Variants in ACYP2 observed in about 807,000 individuals in gnomAD.
The protein encoded by ACYP2 is acylphosphatase 2.
A neutral mutation model predicts 11.2 loss-of-function variants in ACYP2; 12 were observed. That is an observed-to-expected ratio of 1.08 (90% CI 0.69 to 1.74). The LOEUF is 1.74. Among genes scored for constraint, ACYP2 ranks in the 40% most tolerant of loss-of-function variants. The pLI, the probability that ACYP2 is intolerant of heterozygous loss-of-function variation, is 0.00. For missense variants in ACYP2, 134 were observed against 101.9 expected (o/e 1.31, Z -1.35); for synonymous variants, 43 against 32.2 (o/e 1.33, Z -1.13).
At chr2:54,034,483 G>A (rs1022848192) in intron 2 of ACYP2, among the ~76,000 whole-genome samples, 3 of 152,170 alleles carry the variant, frequency 2.0e-5, no homozygotes, top group Admixed American at 2.0e-4. Flanking sequence ...ACAGTAACAT[G>A]CTGTACAGGT....
Position 54,051,051 on chromosome 2 carries a change from G to A in ACYP2, c.155+1G>A, listed in dbSNP as rs761382132. 4.0e-6 allele frequency: 2 copies of A among 500,134 alleles called. No individual in the cohort carries two copies. Among genetic ancestry groups the A allele is most frequent in the African/African-American group, 4.0e-5 (2 of 50,570 alleles). 31.0% of individuals were successfully genotyped at this position (500,134 alleles called of 1,614,324 possible). On this transcript the variant is annotated splice_donor_variant, in intron 3 of 6. Transcript: ENST00000607452. LOFTEE classifies it high-confidence loss of function. ...GCCTCCCATGCTGTTGGGATTACAGGTGAGAACCACCGTCCTTGGTCACAA... is the reference window on the plus strand; with the variant it reads ...GCCTCCCATGCTGTTGGGATTACAGATGAGAACCACCGTCCTTGGTCACAA...
chr2:54,127,767 A>C (rs888804436), intron 4 of ACYP2, among the ~76,000 whole-genome samples: 2 of 150,224 alleles, frequency 1.3e-5, no homozygotes, highest in Non-Finnish European at 2.9e-5. Context: ...AAAAAAAAAA[A>C]AAAAGCTTCT....
intron 6 of ACYP2, among the ~76,000 whole-genome samples, chr2:54,147,652 G>A (rs1681957683): frequency 6.6e-6 from 1 of 152,094 alleles, no homozygotes; most frequent in African/African-American, 2.4e-5. Context: ...AGCCTCCCGA[G>A]TAGCTAGGAC....
chr2:54,013,597 G>T (rs1466113775), intron 2 of ACYP2, among the ~76,000 whole-genome samples: 1 of 151,824 alleles, frequency 6.6e-6, no homozygotes, highest in East Asian at 1.9e-4. Flanking sequence ...ACTGCGCACG[G>T]CCACCATCTA....
At chr2:54,204,117 C>G (rs1012405755) in intron 6 of ACYP2, among the ~76,000 whole-genome samples, 3 of 152,150 alleles carry the variant, frequency 2.0e-5, no homozygotes, top group African/African-American at 7.2e-5. Flanking sequence ...GTCTCAGCCT[C>G]CTGAGTAGCT....
chr2:54,146,664 G>C (rs1470948688), intron 6 of ACYP2, among the ~76,000 whole-genome samples: 1 of 151,816 alleles, frequency 6.6e-6, no homozygotes, highest in Non-Finnish European at 1.5e-5. Flanking sequence ...TATTATTTTT[G>C]TTTGTTTCTG....
chr2:54,094,669 C>T (rs186970860), intron 4 of ACYP2, among the ~76,000 whole-genome samples: 3 of 152,150 alleles, frequency 2.0e-5, no homozygotes, highest in African/African-American at 7.2e-5. Context: ...TCCCAAGTAG[C>T]CAGGACTACA....
rs531572033 is a variant in ACYP2 at position 54,255,154 on chromosome 2, C to T, written c.405-49534C>T. ...ATGAATGAAGGACTGGGGTCCATGG[C>T]CCCGGCGCCACATGATTAGAGTGGA... On this transcript the variant is annotated intron_variant, in intron 6 of 6. Transcript: ENST00000607452. The T allele has an allele frequency of 3.0e-5, 48 of 1,614,156 alleles. No individual in the cohort carries two copies. The South Asian group carries it at 5.3e-4, about 18-fold the overall frequency.
intron 2 of ACYP2, among the ~76,000 whole-genome samples, chr2:53,983,248 G>C (rs756083855): frequency 7.9e-5 from 12 of 152,148 alleles, no homozygotes; most frequent in Non-Finnish European, 1.8e-4. Context: ...GCTCACGTCT[G>C]TAATCCCAGC....
intron 2 of ACYP2, among the ~76,000 whole-genome samples, chr2:54,020,675 A>C (rs1442248975): frequency 6.6e-6 from 1 of 152,226 alleles, no homozygotes; most frequent in Non-Finnish European, 1.5e-5. Context: ...TTGTGCGAGA[A>C]TCCATATGAT....
At chr2:53,971,578 CTAT>C (rs1355401615) in intron 1 of ACYP2, among the ~76,000 whole-genome samples, 1 of 152,146 alleles carries the variant, frequency 6.6e-6, no homozygotes, top group Non-Finnish European at 1.5e-5. Context: ...TCAGTTTAGG[CTAT>C]TGAGATAGAA....
chr2:54,256,043 C>A (rs1228674358), intron 6 of ACYP2: 1 of 1,614,188 alleles, frequency 6.2e-7, no homozygotes, highest in Non-Finnish European at 8.5e-7. Flanking sequence ...AACATATCTG[C>A]CATTACCTCT....
At chr2:54,010,861 G>T (rs1188194782) in intron 2 of ACYP2, among the ~76,000 whole-genome samples, 1 of 148,858 alleles carries the variant, frequency 6.7e-6, no homozygotes, top group South Asian at 2.1e-4. Context: ...TAGAGACCAG[G>T]TTTCACCATG....
At chr2:54,241,821 T>C (rs1248926633) in intron 6 of ACYP2, among the ~76,000 whole-genome samples, 1 of 152,202 alleles carries the variant, frequency 6.6e-6, no homozygotes, top group African/African-American at 2.4e-5. Flanking sequence ...AGGACCAGCC[T>C]GGCCAACGTG....
chr2:54,288,975 T>G (rs1380908298), intron 6 of ACYP2, among the ~76,000 whole-genome samples: 1 of 152,042 alleles, frequency 6.6e-6, no homozygotes, highest in African/African-American at 2.4e-5. Context: ...CTTTTAATTC[T>G]ATTCAAAGCC....
intron 6 of ACYP2, among the ~76,000 whole-genome samples, chr2:54,192,757 C>A (rs1358539471): frequency 2.0e-5 from 3 of 152,098 alleles, no homozygotes; most frequent in Non-Finnish European, 1.5e-5. Context: ...CACGGTTCTG[C>A]ATGGCTAGGG....
intron 4 of ACYP2, among the ~76,000 whole-genome samples, chr2:54,070,832 G>T (rs1213634666): frequency 2.0e-5 from 3 of 151,570 alleles, no homozygotes; most frequent in African/African-American, 7.3e-5. Flanking sequence ...CAACACCCAG[G>T]CTCAAGTGAT....
intron 4 of ACYP2, among the ~76,000 whole-genome samples, chr2:54,076,201 G>T (rs190063470): frequency 6.6e-6 from 1 of 152,308 alleles, no homozygotes; most frequent in African/African-American, 2.4e-5. Context: ...GGAAGAAGAT[G>T]CCAAACTGAT....
intron 6 of ACYP2, among the ~76,000 whole-genome samples, chr2:54,201,616 C>CTTTTCTTTCTTTCTT (rs750904350): frequency 1.1e-5 from 1 of 88,142 alleles, no homozygotes; most frequent in Admixed American, 1.1e-4. Context: ...TTCTTTCTTT[C>CTTTTCTTTCTTTCTT]TTTCTTTGTT....
Sources: gnomAD v4.1 joint callset for allele counts (sites outside exome capture counted in the v4.1 genomes callset) on GRCh38, gnomAD v4.1.1 for gene constraint, MANE v1.5 for transcripts, NCBI Gene and HGNC (gene_info 2026-07-23, HGNC 2026-07-21) for gene names.